MTERF4: variants seen among roughly 807,000 people sequenced by gnomAD.
MTERF4 encodes the protein transcription termination factor 4, mitochondrial.
MTERF4 carries 17 observed loss-of-function variants against 22.5 expected under a neutral mutation model. That is an observed-to-expected ratio of 0.75 (90% CI 0.52 to 1.13). The LOEUF is 1.13. Among genes scored for constraint, MTERF4 ranks in the 50% most tolerant of loss-of-function variants. The pLI is 0.00. For synonymous variants in MTERF4, 165 were observed against 175.3 expected (o/e 0.94, Z 0.47); for missense variants, 420 against 466.8 (o/e 0.90, Z 0.92).
chr2:241,064,845 G>T, the MTERF4 span: 2 of 1,584,240 alleles, frequency 1.3e-6, no homozygotes, highest in Non-Finnish European at 1.7e-6. The surrounding 1 kb of genome is among the most constrained non-coding windows in gnomAD (Gnocchi z 7.0). Flanking sequence ...TCCCCTCAGT[G>T]AGTGACCCCT....
Position 241,097,379 on chromosome 2 carries a change from C to A in MTERF4, c.569G>T (p.Arg190Leu), listed in dbSNP as rs370139909. ...GACAGTGTCGTTAATGTCCTGCTGG[C>A]GCATGGTGAAAATTTCAGGGCAACA... ...LYCCPEIFTM[R>L]QQDINDTVRL... Residue 190 changes from arginine to leucine, a missense_variant, in exon 3 of 4, where the codon CGC (arginine) becomes CTC (leucine). Physicochemically the swap from Arg to Leu is moderately radical, Grantham distance 102 (BLOSUM62 -2). Transcript: ENST00000391980. 6.2e-7 allele frequency: 1 copy of A among 1,614,166 alleles called. No homozygotes were observed. The highest frequency in any genetic ancestry group is 8.5e-7 in the Non-Finnish European group (1 of 1,180,024).
At chr2:241,053,099 G>A in the MTERF4 span, 2 of 1,543,126 alleles carry the variant, frequency 1.3e-6, no homozygotes, top group Non-Finnish European at 8.8e-7. Context: ...CAGGGCGGTG[G>A]GGAGGGGCCA....
Position 241,096,100 on chromosome 2 carries a change from C to T in MTERF4, c.1044G>A (p.Glu348=), listed in dbSNP as rs756012410. Residue 348 remains glutamate, a synonymous_variant, in exon 4 of 4, where the codon GAG becomes GAA. Coordinates refer to ENST00000391980, the MANE Select transcript of MTERF4 (RefSeq NM_182501.4). The surrounding 1 kb of genome is among the most constrained non-coding windows in gnomAD (Gnocchi z 5.1). The stretch of plus-strand genomic sequence containing the variant: ...CATTGTCATCCTCATCATTGTCCTC[C>T]TCATCATCGTCATCCTCATCCTCAT... ...SLDEDEDDDD[E]EDNDEDDNDE... is the part of the protein sequence containing the mutation. 11 of 1,613,460 alleles carry T rather than the reference C, an allele frequency of 6.8e-6. No homozygotes were observed. Among genetic ancestry groups the T allele is most frequent in the Non-Finnish European group, 9.3e-6 (11 of 1,179,690 alleles).
chr2:241,099,868 G>T lies in MTERF4; in HGVS notation c.48C>A (p.Pro16=). Residue 16 remains proline, a synonymous_variant, in exon 2 of 4, where the codon CCC becomes CCA. Coordinates refer to ENST00000391980, the MANE Select transcript of MTERF4 (RefSeq NM_182501.4). ...RQVLDWHRLI[P]LTWACMARQT... Reference sequence around the variant, plus strand: ...GCCTAGCCATACAGGCCCAGGTGAGGGGGATCAGGCGGTGCCAATCAAGGA... The same window carrying T: ...GCCTAGCCATACAGGCCCAGGTGAGTGGGATCAGGCGGTGCCAATCAAGGA... 1 of 1,613,438 alleles carries T rather than the reference G, an allele frequency of 6.2e-7. No homozygotes were observed.
At chr2:241,052,278 C>A in the MTERF4 span, 2 of 1,433,844 alleles carry the variant, frequency 1.4e-6, no homozygotes, top group Non-Finnish European at 1.9e-6. Flanking sequence ...GAGCTGGGTG[C>A]AGGAGGCAGG....
chr2:241,065,607 C>T, the MTERF4 span: 32 of 1,607,484 alleles, frequency 2.0e-5, no homozygotes, highest in East Asian at 1.6e-4. Context: ...TGAGTGTCCC[C>T]GAGCCTGGCC....
At chr2:241,091,205 C>T (rs191844290), downstream of MTERF4, among the ~76,000 whole-genome samples, 3 of 152,310 alleles carry the variant, frequency 2.0e-5, no homozygotes, top group Admixed American at 6.5e-5. This position sits in a 1 kb window ranked among gnomAD's most constrained non-coding sequence, Gnocchi z 4.1. Flanking sequence ...CAGAAACACA[C>T]GCACCCAGAC....
downstream of MTERF4, chr2:241,082,462 A>G: frequency 1.2e-6 from 1 of 840,664 alleles, no homozygotes; most frequent in Non-Finnish European, 1.9e-6. Context: ...CTGAGGAGGG[A>G]CGATGGCTGC....
the MTERF4 span, chr2:241,048,184 G>A: frequency 1.8e-6 from 2 of 1,101,840 alleles, no homozygotes; most frequent in Non-Finnish European, 2.5e-6. Flanking sequence ...CCAGAAATAA[G>A]CTTCTGGCTT....
chr2:241,081,876 G>A, intron 4 of MTERF4: 1 of 1,033,138 alleles, frequency 9.7e-7, no homozygotes, highest in Non-Finnish European at 1.5e-6. Flanking sequence ...AGCTGGGTTT[G>A]CCACGGGAGC....
chr2:241,063,342 A>G, the MTERF4 span: 11 of 547,304 alleles, frequency 2.0e-5, no homozygotes, highest in African/African-American at 1.1e-4. Context: ...GGAGCCTCCC[A>G]TTGCGGAGTG....
At chr2:241,102,139 C>T (rs1164971829) in intron 1 of MTERF4, 114 bp downstream of exon 1, 2 of 1,450,058 alleles carry the variant, frequency 1.4e-6, no homozygotes, top group Non-Finnish European at 1.9e-6. Context: ...CGTGCACGGA[C>T]CTCCGGGAGG....
Position 241,095,962 on chromosome 2 carries a change from T to A in MTERF4, c.*36A>T, listed in dbSNP as rs200035477. ...AAGAGAATGAAAAGCTTCCTTGATA[T>A]CTCTGGGCCCTTTCGCTCTAGTCCT... is the stretch of plus-strand genomic sequence containing the variant. On this transcript the variant is annotated 3_prime_UTR_variant, in exon 4 of 4. Coordinates refer to ENST00000391980, the MANE Select transcript of MTERF4 (RefSeq NM_182501.4). 89 of 1,580,646 alleles carry A rather than the reference T, an allele frequency of 5.6e-5. No individual in the cohort carries two copies. The highest frequency in any genetic ancestry group is 1.2e-5 in the Non-Finnish European group (14 of 1,163,190).
At chr2:241,065,343 A>G in the MTERF4 span, 2 of 1,612,628 alleles carry the variant, frequency 1.2e-6, no homozygotes, top group South Asian at 2.2e-5. Flanking sequence ...AGTGGAGGAG[A>G]GTGGGGTCTC....
At chr2:241,101,764 C>T (rs2064718828) in intron 1 of MTERF4, among the ~76,000 whole-genome samples, 1 of 152,198 alleles carries the variant, frequency 6.6e-6, no homozygotes, top group Admixed American at 6.5e-5. Flanking sequence ...GTTCAACAGT[C>T]AACTCAGGCC....
downstream of MTERF4, chr2:241,071,512 C>G: frequency 6.5e-7 from 1 of 1,530,468 alleles, no homozygotes; most frequent in Non-Finnish European, 8.8e-7. Flanking sequence ...ACCCATGCCA[C>G]AGGGGCAGGG....
chr2:241,063,919 T>C, the MTERF4 span: 3 of 1,018,408 alleles, frequency 2.9e-6, no homozygotes, highest in Non-Finnish European at 4.4e-6. Flanking sequence ...CCTCCGCCCC[T>C]AGACTCCTCC....
downstream of MTERF4, among the ~76,000 whole-genome samples, chr2:241,086,175 G>C (rs1056243877): frequency 6.6e-6 from 1 of 152,052 alleles, no homozygotes; most frequent in African/African-American, 2.4e-5. Context: ...CCCTGTCTGG[G>C]GTTTCTATGG....
At chr2:241,052,756 G>A in the MTERF4 span, among the ~76,000 whole-genome samples, 2 of 64,376 alleles carry the variant, frequency 3.1e-5, 1 homozygote, top group South Asian at 1.2e-3. Context: ...GGGCCGGGGG[G>A]CCAAGCAGGG....
Sources: allele counts gnomAD v4.1 joint callset (sites outside exome capture counted in the v4.1 genomes callset), GRCh38; gene constraint gnomAD v4.1.1; non-coding constraint Gnocchi (gnomAD v3.1); transcripts MANE v1.5; gene names NCBI Gene and HGNC (gene_info 2026-07-23, HGNC 2026-07-21).